Variants in MMS19 observed in about 807,000 individuals in gnomAD.
The protein encoded by MMS19 is MMS19 cytosolic iron-sulfur assembly component.
MMS19 carries 77 observed loss-of-function variants against 129.8 expected under a neutral mutation model. The ratio of observed to expected loss-of-function variants is 0.59; its 90% CI spans 0.49 to 0.72. The LOEUF is 0.72. MMS19 is among the 30% of genes least tolerant of loss of function. The pLI is 0.00. For missense variants in MMS19, 1,168 were observed against 1,266.3 expected, an observed-to-expected ratio of 0.92 and a Z score of 1.18; for synonymous variants, 491 against 502.8, an observed-to-expected ratio of 0.98 and a Z score of 0.31.
At chr10:97,471,054 T>C (rs29001302) in intron 8 of MMS19, among the ~76,000 whole-genome samples, 193 bp from the exon 9 acceptor site, 148 of 152,300 alleles carry the variant, frequency 9.7e-4, no homozygotes, top group African/African-American at 3.4e-3. Flanking sequence ...TTAGGCATTT[T>C]AAAAAATCTG....
intron 1 of MMS19, among the ~76,000 whole-genome samples, chr10:97,496,705 C>T (rs551542751): frequency 5.3e-5 from 8 of 152,108 alleles, no homozygotes; most frequent in African/African-American, 1.7e-4. Flanking sequence ...TCTATATCTT[C>T]GTAGGGGGTT....
intron 1 of MMS19, among the ~76,000 whole-genome samples, chr10:97,494,316 T>TCATGTGATCATTGA (rs1284947792): frequency 6.6e-6 from 1 of 152,188 alleles, no homozygotes; most frequent in Non-Finnish European, 1.5e-5. Context: ...AAAGGAGTAT[T>TCATGTGATCATTGA]CATGTGATCA....
At chr10:97,460,654 T>C (rs1014275303) in intron 25 of MMS19, 41 bp downstream of exon 25, 1 of 1,522,568 alleles carries the variant, frequency 6.6e-7, no homozygotes, top group African/African-American at 1.4e-5. Flanking sequence ...CCAGAAAGTT[T>C]GTTTAGGTCC....
Position 97,484,157 on chromosome 10 carries a change from G to A in MMS19, c.113-6C>T, listed in dbSNP as rs1187363987. 9 of 1,487,708 alleles carry A rather than the reference G, an allele frequency of 6.0e-6. No homozygotes were observed. In the East Asian group the frequency reaches 2.0e-4, roughly 33 times the overall value. The allele number at this position is 1,487,708 out of a possible 1,614,324, so 92.2% of individuals were successfully genotyped here. A position where few individuals can be genotyped will look rare whatever the true frequency, so the allele number is the denominator to read the frequency against. On this transcript the variant is annotated splice_region_variant and splice_polypyrimidine_tract_variant and intron_variant, in intron 1 of 30. Transcript: ENST00000438925. ...ATAGTTGCCAGATTTCACATCTGCA[G>A]GAAATAAAATAAATAAATATGAAAA... is the stretch of plus-strand genomic sequence containing the variant.
At position 97,498,407 on chromosome 10, in the gene MMS19, A is replaced by AG; in HGVS notation, c.-24dup. 1.9e-6 allele frequency: 3 copies of AG among 1,576,900 alleles called. No homozygotes were observed. Among genetic ancestry groups the AG allele is most frequent in the Non-Finnish European group, 2.6e-6 (3 of 1,169,774 alleles). On this transcript the variant is annotated 5_prime_UTR_variant, in exon 1 of 31. Coordinates refer to ENST00000438925, the MANE Select transcript of MMS19 (RefSeq NM_022362.5). ...CATAACGCGAACTAGAGACCGTGGG[A>AG]GGGGATATGGGCGGTGGCTCGAGAC... is the stretch of plus-strand genomic sequence containing the variant.
chr10:97,492,160 T>C (rs1365312897), intron 1 of MMS19, among the ~76,000 whole-genome samples: 1 of 106,108 alleles, frequency 9.4e-6, no homozygotes, highest in Non-Finnish European at 2.0e-5. Flanking sequence ...AAAAAAAGTA[T>C]AAAAGTAGAA....
In MMS19 at chr10:97,469,003, C is replaced by T. The variant is rs1305008713; in HGVS notation, c.1026G>A (p.Glu342=). The T allele has an allele frequency of 6.9e-6, 11 of 1,588,532 alleles. No homozygotes were observed. The highest frequency in any genetic ancestry group is 9.4e-6 in the Non-Finnish European group (11 of 1,167,132). ...LSRSVLRADA[E]DLLDSFLSNI... ...TGCTAAGGAAGGAGTCAAGGAGGTCCTCAGCATCAGCCCTCAGCACAGAGC... is the reference window on the plus strand; with the variant it reads ...TGCTAAGGAAGGAGTCAAGGAGGTCTTCAGCATCAGCCCTCAGCACAGAGC... Residue 342 remains glutamate, a synonymous_variant, in exon 12 of 31, where the codon GAG becomes GAA. Coordinates refer to ENST00000438925, the MANE Select transcript of MMS19 (RefSeq NM_022362.5).
chr10:97,483,591 A>C (rs2037282864), intron 2 of MMS19, among the ~76,000 whole-genome samples: 1 of 152,280 alleles, frequency 6.6e-6, no homozygotes, highest in Non-Finnish European at 1.5e-5. Context: ...GCATTAGACT[A>C]CAAGCACGTA....
chr10:97,472,454 G>A (rs2034918777), intron 8 of MMS19, among the ~76,000 whole-genome samples: 1 of 152,140 alleles, frequency 6.6e-6, no homozygotes, highest in Non-Finnish European at 1.5e-5. Context: ...TAGCCAGGCT[G>A]GTCTTGAACT....
At chr10:97,475,329 T>C (rs1270445134) in intron 8 of MMS19, among the ~76,000 whole-genome samples, 1 of 152,158 alleles carries the variant, frequency 6.6e-6, no homozygotes. Flanking sequence ...CAAACATAAC[T>C]GATAACTTGG....
At chr10:97,468,927 TG>T (rs1564641832) in intron 12 of MMS19, 38 bp downstream of exon 12, 1 of 1,564,004 alleles carries the variant, frequency 6.4e-7, no homozygotes, top group Non-Finnish European at 8.7e-7. Flanking sequence ...TCGTTTCTAT[TG>T]TGCTCACTCC....
At chr10:97,478,460 A>T (rs943142432) in intron 3 of MMS19, 71 bp from the exon 4 acceptor site, 1 of 1,132,778 alleles carries the variant, frequency 8.8e-7, no homozygotes, top group African/African-American at 1.5e-5. Context: ...TTCCTTCCCT[A>T]AGTCTATAAC....
intron 11 of MMS19, 73 bp from the exon 12 acceptor site, chr10:97,469,177 T>C: frequency 1.3e-6 from 2 of 1,501,636 alleles, no homozygotes; most frequent in Non-Finnish European, 1.8e-6. Flanking sequence ...CACTGCCTAT[T>C]TCCTTGTTGG....
At position 97,467,519 on chromosome 10, in the gene MMS19, C is replaced by G; in HGVS notation, c.1283G>C (p.Ser428Thr). Residue 428 changes from serine (S) to threonine (T), a missense_variant, in exon 14 of 31, where the codon AGC becomes ACC. By Grantham distance (58) the Ser-to-Thr change is moderately conservative. This residue lies in a region of MMS19 where 831 missense variants were observed against 910.8 expected (regional missense o/e 0.91). Coordinates refer to ENST00000438925, the MANE Select transcript of MMS19 (RefSeq NM_022362.5). ...LGFLKLQQKW[S>T]YEDKDQRPLN... ...GGCAACCTCACCTTTGTCTTCATAG[C>G]TCCATTTCTGCTGCAGCTTCAAGAA... The G allele has an allele frequency of 6.2e-7, 1 of 1,613,862 alleles. No individual in the cohort carries two copies. The highest frequency in any genetic ancestry group is 8.5e-7 in the Non-Finnish European group (1 of 1,179,784).
chr10:97,471,255 T>C (rs1280935700), intron 8 of MMS19, among the ~76,000 whole-genome samples: 1 of 152,116 alleles, frequency 6.6e-6, no homozygotes, highest in East Asian at 1.9e-4. Flanking sequence ...TTAAGAACAT[T>C]TTTATGGTAT....
chr10:97,468,588 A>G (rs1223414585), intron 12 of MMS19, among the ~76,000 whole-genome samples, 182 bp from the exon 13 acceptor site: 1 of 152,184 alleles, frequency 6.6e-6, no homozygotes, highest in Non-Finnish European at 1.5e-5. Context: ...ACTAAACAAT[A>G]AAGGTCACTG....
chr10:97,463,862 C>G lies in MMS19; in HGVS notation c.1908G>C (p.Met636Ile). ...GAAGGAGAGGTGGAAAGTTACCTGG[C>G]ATAGAGGCCTGCACAGCCAAGGCAA... ...CLLALAVQAS[M>I]PEKEPSVLRK... Residue 636 changes from methionine to isoleucine, a missense_variant, in exon 19 of 31, where the codon ATG becomes ATC. Physicochemically the swap from Met to Ile is conservative, Grantham distance 10 (BLOSUM62 1). Coordinates refer to ENST00000438925, the MANE Select transcript of MMS19 (RefSeq NM_022362.5). 1 of 1,609,986 alleles carries G rather than the reference C, an allele frequency of 6.2e-7. No individual in the cohort carries two copies. The highest frequency in any genetic ancestry group is 8.5e-7 in the Non-Finnish European group (1 of 1,178,286).
chr10:97,460,820 T>C, intron 24 of MMS19, 69 bp from the exon 25 acceptor site: 2 of 1,541,750 alleles, frequency 1.3e-6, no homozygotes, highest in East Asian at 2.4e-5. Context: ...GACATAGATG[T>C]TTATGGTTTA....
rs2031913244 is a variant in MMS19 at position 97,461,499 on chromosome 10, C to T, written c.2308G>A (p.Ala770Thr). 6.2e-7 allele frequency: 1 copy of T among 1,607,022 alleles called. No homozygotes were observed. Among genetic ancestry groups the T allele is most frequent in the South Asian group, 1.1e-5 (1 of 89,432 alleles). Reference protein sequence around the residue: ...CFAGLLNKHPAGQQLDEFLQL... With the variant: ...CFAGLLNKHPTGQQLDEFLQL... ...TTACATAGTCTGATCTCAGTACCTG[C>T]AGGGTGCTTGTTGAGGAGTCCTGCA... The change falls in exon 23 of 31, where the codon GCA becomes ACA. Residue 770 changes from alanine to threonine, a missense_variant. Coordinates refer to ENST00000438925, the MANE Select transcript of MMS19 (RefSeq NM_022362.5).
Sources: gnomAD v4.1 joint callset for allele counts (sites outside exome capture counted in the v4.1 genomes callset) on GRCh38, gnomAD v4.1.1 for gene constraint, gnomAD v4.1.1 regional missense constraint, MANE v1.5 for transcripts, NCBI Gene and HGNC (gene_info 2026-07-23, HGNC 2026-07-21) for gene names.